Variants in CENPP observed in about 807,000 individuals in gnomAD.
The protein encoded by CENPP is centromere protein P.
Under a neutral mutation model 35.6 loss-of-function variants are expected in CENPP, and 24 were observed. The ratio of observed to expected loss-of-function variants is 0.67; its 90% CI spans 0.49 to 0.95. CENPP has a LOEUF of 0.95. CENPP is among the 40% of genes least tolerant of loss of function. The pLI, the probability that CENPP is intolerant of heterozygous loss-of-function variation, is 0.00. For missense variants in CENPP, 332 were observed against 345.3 expected (o/e 0.96, Z 0.31); for synonymous variants, 120 against 125.5 (o/e 0.96, Z 0.29).
At chr9:92,460,818 A>G (rs891832250) in intron 5 of CENPP, among the ~76,000 whole-genome samples, 3 of 152,104 alleles carry the variant, frequency 2.0e-5, no homozygotes, top group African/African-American at 7.2e-5. Context: ...CTGAGATAAC[A>G]GGTATGCACC....
At chr9:92,408,408 T>C (rs1433797846) in intron 5 of CENPP, among the ~76,000 whole-genome samples, 1 of 152,114 alleles carries the variant, frequency 6.6e-6, no homozygotes, top group African/African-American at 2.4e-5. Flanking sequence ...ATGGTCTCGA[T>C]CTCTTGATCT....
chr9:92,581,041 G>T (rs1850412367), intron 5 of CENPP, among the ~76,000 whole-genome samples: 1 of 152,006 alleles, frequency 6.6e-6, no homozygotes, highest in Admixed American at 6.6e-5. Context: ...CTTTATTTCT[G>T]CCTTCATTTC....
intron 5 of CENPP, among the ~76,000 whole-genome samples, chr9:92,550,515 G>A (rs1461284937): frequency 6.6e-6 from 1 of 151,994 alleles, no homozygotes; most frequent in East Asian, 1.9e-4. Context: ...TGTAAGATAT[G>A]ACAATTGATA....
intron 5 of CENPP, among the ~76,000 whole-genome samples, chr9:92,423,956 A>C (rs1351041796): frequency 2.0e-5 from 3 of 152,190 alleles, no homozygotes; most frequent in Non-Finnish European, 2.9e-5. Flanking sequence ...AAAGTAAAAA[A>C]AAATCTAAAC....
chr9:92,394,970 CTG>C (rs1278688531), intron 5 of CENPP, among the ~76,000 whole-genome samples: 1 of 152,132 alleles, frequency 6.6e-6, no homozygotes, highest in Non-Finnish European at 1.5e-5. Flanking sequence ...AAGTCATAAT[CTG>C]TGTTTATTTT....
At chr9:92,326,234 C>T (rs1840494760) in intron 1 of CENPP, 129 bp downstream of exon 1, 3 of 649,302 alleles carry the variant, frequency 4.6e-6, no homozygotes, top group Admixed American at 6.1e-5. Flanking sequence ...GGCATTGATC[C>T]TGTCATGACG....
intron 5 of CENPP, among the ~76,000 whole-genome samples, chr9:92,571,157 TTTAA>T (rs1850128064): frequency 3.9e-5 from 6 of 152,356 alleles, no homozygotes; most frequent in Admixed American, 3.9e-4. Context: ...CTCTAGTTCT[TTTAA>T]TTGTGATGTT....
chr9:92,494,218 T>C (rs1846252744), intron 5 of CENPP: 1 of 1,501,280 alleles, frequency 6.7e-7, no homozygotes. Flanking sequence ...CATCCCAAGA[T>C]GCTAGTTCTG....
intron 4 of CENPP, among the ~76,000 whole-genome samples, chr9:92,355,639 T>G (rs1841569972): frequency 6.6e-6 from 1 of 152,220 alleles, no homozygotes; most frequent in African/African-American, 2.4e-5. Context: ...TGCTATAGCT[T>G]CTACTCTTCG....
chr9:92,507,008 A>G (rs1461869847), intron 5 of CENPP, among the ~76,000 whole-genome samples: 2 of 152,122 alleles, frequency 1.3e-5, no homozygotes, highest in East Asian at 3.8e-4. Flanking sequence ...CCCGGGTTCA[A>G]GCAATTCTCC....
intron 4 of CENPP, among the ~76,000 whole-genome samples, chr9:92,372,525 C>T (rs879852246): frequency 1.1e-4 from 17 of 151,994 alleles, no homozygotes; most frequent in Admixed American, 2.6e-4. Flanking sequence ...GTTTTCTTTA[C>T]CAGTGAGTTT....
intron 5 of CENPP, among the ~76,000 whole-genome samples, chr9:92,587,976 T>A (rs1850579964): frequency 6.6e-6 from 1 of 151,660 alleles, no homozygotes; most frequent in South Asian, 2.1e-4. Context: ...AATACAAAAA[T>A]TAGCTGGGCA....
intron 5 of CENPP, chr9:92,502,763 GTCTTA>G: frequency 1.4e-6 from 1 of 736,342 alleles, no homozygotes; most frequent in Non-Finnish European, 2.0e-6. Flanking sequence ...TATCTAAAGA[GTCTTA>G]CTGCTCTTTC....
At chr9:92,586,336 C>T (rs1046390142) in intron 5 of CENPP, among the ~76,000 whole-genome samples, 6 of 151,898 alleles carry the variant, frequency 4.0e-5, no homozygotes, top group South Asian at 4.2e-4. Flanking sequence ...TGAGCCACCG[C>T]GCCCAGCCTG....
At chr9:92,474,653 T>A (rs1247041556) in intron 5 of CENPP, 2 of 1,613,588 alleles carry the variant, frequency 1.2e-6, no homozygotes, top group African/African-American at 2.7e-5. Flanking sequence ...AACTCGTGAA[T>A]AGCACTGACA....
chr9:92,552,112 A>G (rs545392376), intron 5 of CENPP, among the ~76,000 whole-genome samples: 8 of 144,824 alleles, frequency 5.5e-5, no homozygotes, highest in South Asian at 4.3e-4. Context: ...TATCATATAT[A>G]TGTGATATGA....
At chr9:92,572,160 G>A (rs1364734453) in intron 5 of CENPP, among the ~76,000 whole-genome samples, 2 of 152,136 alleles carry the variant, frequency 1.3e-5, no homozygotes, top group Admixed American at 1.3e-4. Flanking sequence ...TTGCTGGTGA[G>A]TTGATGCAGT....
chr9:92,535,101 T>TC (rs1849086377), intron 5 of CENPP, among the ~76,000 whole-genome samples: 1 of 152,090 alleles, frequency 6.6e-6, no homozygotes, highest in South Asian at 2.1e-4. Context: ...TTTCTTTTTT[T>TC]CCCCCAAATT....
At position 92,329,223 on chromosome 9, in the gene CENPP, C is replaced by T. The variant is rs1421602452; in HGVS notation, c.108-2947C>T. Among the ~76,000 whole-genome samples, 7 of 131,826 alleles carry T rather than the reference C, an allele frequency of 5.3e-5. No individual in the cohort carries two copies. In the South Asian group the frequency reaches 6.9e-4, roughly 13 times the overall value. 86.5% of individuals were successfully genotyped at this position (131,826 alleles called of 152,430 possible). ...TTTTGAGACGGAGTTTCGCTCTTGTCGCCCAGGCTGGAGTGTGGTGGCGCA... is the reference window on the plus strand; with the variant it reads ...TTTTGAGACGGAGTTTCGCTCTTGTTGCCCAGGCTGGAGTGTGGTGGCGCA... On this transcript the variant is annotated intron_variant, in intron 1 of 7. Transcript: ENST00000375587.
Sources: allele counts gnomAD v4.1 joint callset (sites outside exome capture counted in the v4.1 genomes callset), GRCh38; gene constraint gnomAD v4.1.1; transcripts MANE v1.5; gene names NCBI Gene and HGNC (gene_info 2026-07-23, HGNC 2026-07-21).